DLG2: variants seen among roughly 807,000 people sequenced by gnomAD.
The protein encoded by DLG2 is discs large MAGUK scaffold protein 2.
Under a neutral mutation model 132.5 loss-of-function variants are expected in DLG2, and 45 were observed. The observed-to-expected ratio is 0.34, with a 90% CI of 0.27 to 0.44. DLG2 has a LOEUF of 0.44. DLG2 is among the 20% of genes least tolerant of loss of function. DLG2 has a pLI of 1.00. For missense variants in DLG2, 1,045 were observed against 1,196.9 expected, an observed-to-expected ratio of 0.87 and a Z score of 1.87; for synonymous variants, 424 against 419.6, an observed-to-expected ratio of 1.01 and a Z score of -0.13.
intron 6 of DLG2, among the ~76,000 whole-genome samples, chr11:84,996,490 G>T (rs2057663519): frequency 6.6e-6 from 1 of 152,110 alleles, no homozygotes; most frequent in Non-Finnish European, 1.5e-5. Context: ...CAGTAATTAA[G>T]ATCTGTCTAC....
Position 84,426,223 on chromosome 11 carries a change from T to C in DLG2, c.519+108347A>G, listed in dbSNP as rs544589535. Among the ~76,000 whole-genome samples the C allele has an allele frequency of 7.2e-5, 11 of 152,248 alleles. 1 individual carries two copies. In the South Asian group the frequency reaches 2.1e-3, roughly 29 times the overall value. ...ACATCTTAGTGGCGCATGAAGCCAA[T>C]GAGGCCGAAGTTTGGAATTGCGAAT... On this transcript the variant is annotated intron_variant, in intron 7 of 27. Transcript: ENST00000376104.
At chr11:83,657,101 T>C (rs564681642) in intron 18 of DLG2, among the ~76,000 whole-genome samples, 1 of 152,318 alleles carries the variant, frequency 6.6e-6, no homozygotes, top group South Asian at 2.1e-4. Flanking sequence ...TCCATATCTC[T>C]TTATTATAAC....
intron 10 of DLG2, among the ~76,000 whole-genome samples, chr11:84,095,329 TG>T (rs2097151187): frequency 6.6e-6 from 1 of 152,174 alleles, no homozygotes; most frequent in Non-Finnish European, 1.5e-5. Flanking sequence ...AACATCTCAG[TG>T]AAGTAGGTAT....
chr11:84,620,934 T>C (rs900752468), intron 6 of DLG2, among the ~76,000 whole-genome samples: 37 of 152,132 alleles, frequency 2.4e-4, no homozygotes, highest in Admixed American at 6.5e-5. Flanking sequence ...TTGGACAGAA[T>C]CAAAGTATCT....
At chr11:85,289,324 C>T (rs147687114) in intron 3 of DLG2, among the ~76,000 whole-genome samples, 63 of 152,216 alleles carry the variant, frequency 4.1e-4, no homozygotes, top group African/African-American at 1.4e-3. Flanking sequence ...TTCAGGCCCT[C>T]GCCATCTGTT....
At chr11:84,373,213 T>C (rs1487569809) in intron 7 of DLG2, among the ~76,000 whole-genome samples, 1 of 131,420 alleles carries the variant, frequency 7.6e-6, no homozygotes, top group Admixed American at 8.3e-5. Context: ...GTTACTTAAT[T>C]TCTCTAAACT....
At chr11:85,089,097 T>C (rs760531450) in intron 6 of DLG2, among the ~76,000 whole-genome samples, 3 of 152,230 alleles carry the variant, frequency 2.0e-5, no homozygotes, top group Non-Finnish European at 4.4e-5. Context: ...TGAGAACTAT[T>C]CTTTTGTATA....
chr11:85,035,300 A>G (rs951560909), intron 6 of DLG2, among the ~76,000 whole-genome samples: 2 of 152,222 alleles, frequency 1.3e-5, no homozygotes, highest in Non-Finnish European at 2.9e-5. Flanking sequence ...CTATTTCTTG[A>G]AAAATGGCAC....
At chr11:84,509,468 C>G (rs145884096) in intron 7 of DLG2, among the ~76,000 whole-genome samples, 97 of 152,160 alleles carry the variant, frequency 6.4e-4, no homozygotes, top group Admixed American at 9.8e-4. Context: ...TCAGCTGAAG[C>G]AATTATGCAA....
At chr11:83,724,353 G>C (rs531722737) in intron 18 of DLG2, among the ~76,000 whole-genome samples, 42 of 152,204 alleles carry the variant, frequency 2.8e-4, no homozygotes, top group African/African-American at 7.5e-4. Flanking sequence ...AACAGGACTT[G>C]CATACATTAA....
At position 85,321,578 on chromosome 11, in the gene DLG2, A is replaced by G. The variant is rs116359098; in HGVS notation, c.41-36213T>C. ...CAGGTGTGAGTCCTGGAACATTTCA[A>G]TATTTAGAGATTTGGGAAAATAAAC... On this transcript the variant is annotated intron_variant, in intron 3 of 27. Transcript: ENST00000376104. Among the ~76,000 whole-genome samples, 1,030 of 152,156 alleles carry G rather than the reference A, an allele frequency of 6.8e-3. 12 individuals carry two copies. Among genetic ancestry groups the G allele is most frequent in the African/African-American group, 0.023 (963 of 41,540 alleles).
intron 19 of DLG2, among the ~76,000 whole-genome samples, chr11:83,601,014 G>A (rs563225361): frequency 6.6e-6 from 1 of 152,304 alleles, no homozygotes; most frequent in East Asian, 1.9e-4. Context: ...TTTAGCATAA[G>A]CCAGGCTGTG....
At chr11:84,532,550 C>T (rs1277943175) in intron 7 of DLG2, among the ~76,000 whole-genome samples, 1 of 152,040 alleles carries the variant, frequency 6.6e-6, no homozygotes, top group African/African-American at 2.4e-5. Context: ...GGCTGTAGTG[C>T]AGTGGCGTGA....
At chr11:84,389,458 A>T (rs1204237458) in intron 7 of DLG2, among the ~76,000 whole-genome samples, 2 of 152,092 alleles carry the variant, frequency 1.3e-5, no homozygotes, top group Non-Finnish European at 2.9e-5. Flanking sequence ...CATGGTATAT[A>T]TTGTTTTGTA....
At chr11:84,165,985 A>G (rs1314168454) in intron 8 of DLG2, among the ~76,000 whole-genome samples, 13 of 152,186 alleles carry the variant, frequency 8.5e-5, no homozygotes, top group Middle Eastern at 3.2e-3. Context: ...AGCATGAAGG[A>G]TTTTTAGCAT....
At chr11:83,674,130 G>T (rs2077295209) in intron 18 of DLG2, among the ~76,000 whole-genome samples, 1 of 152,194 alleles carries the variant, frequency 6.6e-6, no homozygotes, top group African/African-American at 2.4e-5. Flanking sequence ...ACAACTAGCT[G>T]TGCCAGGTAT....
At chr11:84,961,329 T>C (rs2154108965) in intron 6 of DLG2, among the ~76,000 whole-genome samples, 1 of 152,112 alleles carries the variant, frequency 6.6e-6, no homozygotes, top group South Asian at 2.1e-4. Context: ...TATGTTATTA[T>C]GAAAGCTATT....
At chr11:85,258,695 C>T (rs116688859) in intron 4 of DLG2, among the ~76,000 whole-genome samples, 137 of 152,246 alleles carry the variant, frequency 9.0e-4, no homozygotes, top group African/African-American at 2.9e-3. Flanking sequence ...TTCTACAATA[C>T]GCAGTTATGT....
At chr11:83,684,996 T>A (rs2079486742) in intron 18 of DLG2, among the ~76,000 whole-genome samples, 1 of 152,214 alleles carries the variant, frequency 6.6e-6, no homozygotes, top group African/African-American at 2.4e-5. Context: ...ATCAATATTT[T>A]GCTTAAATTA....
Sources: allele counts gnomAD v4.1 joint callset (sites outside exome capture counted in the v4.1 genomes callset), GRCh38; gene constraint gnomAD v4.1.1; transcripts MANE v1.5; gene names NCBI Gene and HGNC (gene_info 2026-07-23, HGNC 2026-07-21).